HSPA12A: variants seen among roughly 807,000 people sequenced by gnomAD.
HSPA12A encodes heat shock protein family A (Hsp70) member 12A.
HSPA12A carries 28 observed loss-of-function variants against 69.2 expected under a neutral mutation model. That is an observed-to-expected ratio of 0.40 (90% CI 0.30 to 0.55). HSPA12A has a LOEUF of 0.55. Among genes scored for constraint, HSPA12A ranks in the 20% least tolerant of loss-of-function variants. HSPA12A has a pLI of 0.38. For missense variants in HSPA12A, 686 were observed against 900.7 expected, an observed-to-expected ratio of 0.76 and a Z score of 3.05; for synonymous variants, 345 against 370.5, an observed-to-expected ratio of 0.93 and a Z score of 0.79.
chr10:116,829,123 CA>C (rs1845564603), intron 2 of HSPA12A: 3 of 152,148 alleles, frequency 2.0e-5, no homozygotes, highest in Non-Finnish European at 2.9e-5. Flanking sequence ...AGGGCAGGGC[CA>C]GGTGGAGATA....
chr10:116,789,399 C>T (rs1454132420), intron 2 of HSPA12A, among the ~76,000 whole-genome samples: 3 of 151,986 alleles, frequency 2.0e-5, no homozygotes, highest in Admixed American at 6.6e-5. Flanking sequence ...ACTCCAGAAA[C>T]TCTCTTAGGA....
intron 5 of HSPA12A, among the ~76,000 whole-genome samples, chr10:116,692,675 T>C (rs1038473532): frequency 2.0e-5 from 3 of 152,150 alleles, no homozygotes; most frequent in Non-Finnish European, 4.4e-5. Flanking sequence ...CCTCACTGAA[T>C]GGGACCGTGG....
In HSPA12A at chr10:116,675,454, C is replaced by T. The variant is rs1554877576; in HGVS notation, c.1391-36G>A. The T allele has an allele frequency of 6.6e-7, 1 of 1,509,446 alleles. No homozygotes were observed. The highest frequency in any genetic ancestry group is 8.9e-7 in the Non-Finnish European group (1 of 1,127,918). 93.5% of individuals were successfully genotyped at this position (1,509,446 alleles called of 1,614,324 possible). A position where few individuals can be genotyped will look rare whatever the true frequency, so the allele number is the denominator to read the frequency against. Reference sequence around the variant, plus strand: ...AGAGGCAGGGAGAATGTCCTGTCACCAAAAGCCAGCAAGGAAGGGGGAACT... The same window carrying T: ...AGAGGCAGGGAGAATGTCCTGTCACTAAAAGCCAGCAAGGAAGGGGGAACT... On this transcript the variant is annotated intron_variant, in intron 11 of 11. Coordinates refer to ENST00000369209, the MANE Select transcript of HSPA12A (RefSeq NM_025015.3). This position sits in a 1 kb window ranked among gnomAD's most constrained non-coding sequence, Gnocchi z 5.2.
rs1268981555 is a variant in HSPA12A at position 116,679,443 on chromosome 10, C to G, written c.1286+60G>C. ...CGAAGTCCACACTTCGCTCCTCTCT[C>G]CCATCAGCACGATCCACCCGCTAGA... On this transcript the variant is annotated intron_variant, in intron 10 of 11. Transcript: ENST00000369209. 4 of 1,591,040 alleles carry G rather than the reference C, an allele frequency of 2.5e-6. No homozygotes were observed. The Admixed American group carries it at 5.1e-5, about 20-fold the overall frequency.
At chr10:116,760,982 C>T (rs1000586903) in intron 2 of HSPA12A, among the ~76,000 whole-genome samples, 5 of 151,254 alleles carry the variant, frequency 3.3e-5, no homozygotes, top group African/African-American at 9.7e-5. Context: ...GCTAGATGTA[C>T]GTGGGGAAAA....
intron 2 of HSPA12A, among the ~76,000 whole-genome samples, chr10:116,778,942 A>G (rs1356098678): frequency 6.6e-6 from 1 of 152,110 alleles, no homozygotes; most frequent in Non-Finnish European, 1.5e-5. Flanking sequence ...CAAAACAACA[A>G]CAACAACAAA....
At chr10:116,688,664 T>C (rs1849648020) in intron 6 of HSPA12A, among the ~76,000 whole-genome samples, 1 of 152,212 alleles carries the variant, frequency 6.6e-6, no homozygotes, top group East Asian at 1.9e-4. Context: ...TGTTATGCTG[T>C]TTTGTTTTCC....
At chr10:116,737,900 A>G (rs1439997135) in intron 1 of HSPA12A, among the ~76,000 whole-genome samples, 1 of 152,166 alleles carries the variant, frequency 6.6e-6, no homozygotes, top group Admixed American at 6.5e-5. Flanking sequence ...TTCAATTCTG[A>G]GCACTGCCTG....
chr10:116,692,166 A>G (rs905600154), intron 6 of HSPA12A, among the ~76,000 whole-genome samples, 185 bp downstream of exon 6: 2 of 152,178 alleles, frequency 1.3e-5, no homozygotes, highest in Non-Finnish European at 2.9e-5. Flanking sequence ...TGGCTCCCCC[A>G]GGAGGAAGCT....
intron 2 of HSPA12A, among the ~76,000 whole-genome samples, chr10:116,812,194 T>A (rs1000019915): frequency 6.6e-6 from 1 of 152,154 alleles, no homozygotes; most frequent in African/African-American, 2.4e-5. Context: ...GGCTCATGTC[T>A]GTAATCCCAG....
intron 1 of HSPA12A, 125 bp downstream of exon 1, chr10:116,742,305 T>C: frequency 9.5e-7 from 1 of 1,052,810 alleles, no homozygotes; most frequent in Non-Finnish European, 1.2e-6. Context: ...CCGCCAGAAC[T>C]GGATGCAGCG....
chr10:116,679,211 C>T (rs1849330055), intron 10 of HSPA12A, among the ~76,000 whole-genome samples: 1 of 152,220 alleles, frequency 6.6e-6, no homozygotes, highest in Admixed American at 6.5e-5. Context: ...TTCATAGTTC[C>T]TCTGTTTTTA....
chr10:116,695,483 A>C (rs947767418), intron 5 of HSPA12A, among the ~76,000 whole-genome samples: 32 of 151,958 alleles, frequency 2.1e-4, no homozygotes, highest in Non-Finnish European at 3.8e-4. Context: ...GGAGTTCGAG[A>C]CCATCCTGGC....
chr10:116,822,346 C>T (rs780551199), intron 2 of HSPA12A, among the ~76,000 whole-genome samples: 2 of 152,214 alleles, frequency 1.3e-5, no homozygotes, highest in Non-Finnish European at 2.9e-5. Flanking sequence ...GATAAGAGAA[C>T]AACTGGCTGA....
At chr10:116,735,578 G>A (rs896636171) in intron 1 of HSPA12A, among the ~76,000 whole-genome samples, 23 of 152,144 alleles carry the variant, frequency 1.5e-4, no homozygotes, top group African/African-American at 4.3e-4. Flanking sequence ...ACCTGTGAGC[G>A]AGGTCATCTT....
rs1460280283 is a variant in HSPA12A at position 116,723,817 on chromosome 10, C to T, written c.41-16532G>A. On this transcript the variant is annotated intron_variant, in intron 1 of 11. Transcript: ENST00000369209. The surrounding 1 kb of genome is among the most constrained non-coding windows in gnomAD (Gnocchi z 4.1). ...CTTAGATCCCGGCTGCTTCCAGTACCGAGCCACCTCCAAAGAGAAGGGCTG... is the reference window on the plus strand; with the variant it reads ...CTTAGATCCCGGCTGCTTCCAGTACTGAGCCACCTCCAAAGAGAAGGGCTG... 4.6e-5 allele frequency among the ~76,000 whole-genome samples: 7 copies of T among 152,188 alleles called. 1 individual carries two copies. The East Asian group carries it at 5.8e-4, about 13-fold the overall frequency.
At chr10:116,849,383 C>CA in intron 1 of HSPA12A, 1 of 749,312 alleles carries the variant, frequency 1.3e-6, no homozygotes, top group Non-Finnish European at 1.9e-6. Context: ...GGAGAAAAGA[C>CA]AGAGCAGCGA....
rs532050694 is a variant in HSPA12A, at chr10:116,842,449, G to C, written c.3+7117C>G. 3.9e-5 allele frequency among the ~76,000 whole-genome samples: 6 copies of C among 152,174 alleles called. No individual in the cohort carries two copies. In the South Asian group the frequency reaches 1.2e-3, roughly 32 times the overall value. On this transcript the variant is annotated intron_variant, in intron 1 of 12. Coordinates refer to the HSPA12A transcript ENST00000635765. ...TGCTATTTTTATATTAATAAAAGAAGTACAAATTAGAAAACCTGGCCTTTT... is the reference window on the plus strand; with the variant it reads ...TGCTATTTTTATATTAATAAAAGAACTACAAATTAGAAAACCTGGCCTTTT...
At chr10:116,790,249 G>A (rs757758990) in intron 2 of HSPA12A, among the ~76,000 whole-genome samples, 3 of 151,746 alleles carry the variant, frequency 2.0e-5, no homozygotes, top group African/African-American at 4.8e-5. Context: ...GACTACAGGC[G>A]CCCGCCACCT....
Sources: allele counts gnomAD v4.1 joint callset (sites outside exome capture counted in the v4.1 genomes callset), GRCh38; gene constraint gnomAD v4.1.1; non-coding constraint Gnocchi (gnomAD v3.1); transcripts MANE v1.5; gene names NCBI Gene and HGNC (gene_info 2026-07-23, HGNC 2026-07-21).